Variants in ARL15 observed in about 807,000 individuals in gnomAD.
ARL15 encodes ADP-ribosylation factor-like protein 15.
In ARL15, 19 loss-of-function variants were observed where a neutral mutation model predicts 25.2. That is an observed-to-expected ratio of 0.75 (90% CI 0.53 to 1.10). ARL15 has a LOEUF of 1.10. ARL15 is among the 50% of genes least tolerant of loss of function. ARL15 has a pLI of 0.00. For missense variants in ARL15, 220 were observed against 246.0 expected, an observed-to-expected ratio of 0.89 and a Z score of 0.71; for synonymous variants, 94 against 86.8, an observed-to-expected ratio of 1.08 and a Z score of -0.46.
At chr5:54,282,637 A>T (rs1220870631) in intron 1 of ARL15, 3 of 862,556 alleles carry the variant, frequency 3.5e-6, no homozygotes, top group South Asian at 1.1e-4. Context: ...TCTTGCTCTA[A>T]TATCCCATTT....
chr5:54,292,537 C>T (rs1463463673), intron 1 of ARL15, among the ~76,000 whole-genome samples: 2 of 152,170 alleles, frequency 1.3e-5, no homozygotes, highest in African/African-American at 4.8e-5. Flanking sequence ...CGTAAGCCCA[C>T]TCCTTTCAGA....
At chr5:54,030,319 A>T (rs1486250274) in intron 4 of ARL15, among the ~76,000 whole-genome samples, 1 of 152,232 alleles carries the variant, frequency 6.6e-6, no homozygotes. Flanking sequence ...TTTAAAAAAT[A>T]AATAAAAGGT....
In ARL15 at chr5:53,998,110, T is replaced by G. The variant is rs536422920; in HGVS notation, c.463-111397A>C. Among the ~76,000 whole-genome samples the G allele has an allele frequency of 6.6e-5, 10 of 152,198 alleles. No individual in the cohort carries two copies. The East Asian group carries it at 1.9e-3, about 29-fold the overall frequency. ...CACTTAACCTCCTCATGCCTCAGTT[T>G]CCTTGCCTGCAGAATGAGAGCTGGG... On this transcript the variant is annotated intron_variant, in intron 4 of 4. Transcript: ENST00000504924.
At chr5:54,121,812 AAGAG>A (rs768318336) in intron 3 of ARL15, among the ~76,000 whole-genome samples, 9 of 152,184 alleles carry the variant, frequency 5.9e-5, no homozygotes, top group Non-Finnish European at 1.0e-4. Flanking sequence ...CTCTCAATAA[AAGAG>A]AGGAAAATAA....
rs552172491 is a variant in ARL15 at position 54,120,963 on chromosome 5, G to A, written c.254-7553C>T. Among the ~76,000 whole-genome samples the A allele has an allele frequency of 3.9e-5, 6 of 152,176 alleles. No homozygotes were observed. The South Asian group carries it at 1.0e-3, about 26-fold the overall frequency. ...TTTCTTTTTTATCAGAAACTTTAAC[G>A]TACCAATCCTGTGACAAAACTGATA... On this transcript the variant is annotated intron_variant, in intron 3 of 4. Transcript: ENST00000504924.
At chr5:53,970,246 A>G (rs1365875782) in intron 4 of ARL15, among the ~76,000 whole-genome samples, 1 of 152,238 alleles carries the variant, frequency 6.6e-6, no homozygotes, top group Non-Finnish European at 1.5e-5. Context: ...TTGGTGCATA[A>G]TAGCTATTGA....
chr5:54,103,118 C>A (rs947514448), intron 4 of ARL15, among the ~76,000 whole-genome samples: 1 of 151,998 alleles, frequency 6.6e-6, no homozygotes, highest in African/African-American at 2.4e-5. Context: ...AAAATTAAAC[C>A]CTACTTGACT....
chr5:54,056,013 A>T (rs1750858522), intron 4 of ARL15, among the ~76,000 whole-genome samples: 1 of 152,186 alleles, frequency 6.6e-6, no homozygotes, highest in South Asian at 2.1e-4. Context: ...TGAATGAGTA[A>T]GTTTTCCCAC....
intron 1 of ARL15, among the ~76,000 whole-genome samples, chr5:54,185,997 C>T (rs916873593): frequency 6.6e-6 from 1 of 152,048 alleles, no homozygotes; most frequent in Non-Finnish European, 1.5e-5. Context: ...ATTAAAAGCT[C>T]GTAGTATGAC....
At chr5:54,168,349 C>A (rs1206939377) in intron 2 of ARL15, among the ~76,000 whole-genome samples, 4 of 151,914 alleles carry the variant, frequency 2.6e-5, no homozygotes, top group Non-Finnish European at 4.4e-5. Flanking sequence ...TCAGCATGCC[C>A]CAAACTAAAC....
chr5:54,261,304 C>T (rs770784495), intron 1 of ARL15, among the ~76,000 whole-genome samples: 1 of 152,158 alleles, frequency 6.6e-6, no homozygotes, highest in East Asian at 1.9e-4. Flanking sequence ...CTAGTACTTA[C>T]ATTTCACAAT....
chr5:53,954,736 A>T (rs1747088488), intron 4 of ARL15, among the ~76,000 whole-genome samples: 1 of 152,194 alleles, frequency 6.6e-6, no homozygotes, highest in Non-Finnish European at 1.5e-5. Context: ...AGGCATCATT[A>T]TCCAAAGTTT....
chr5:54,154,287 G>A (rs1167226193), intron 3 of ARL15: 1 of 252,352 alleles, frequency 4.0e-6, no homozygotes, highest in African/African-American at 2.2e-5. Context: ...CTCTTCATAT[G>A]TTTTATTCAA....
At chr5:54,084,972 T>C (rs2112122727) in intron 4 of ARL15, among the ~76,000 whole-genome samples, 1 of 152,338 alleles carries the variant, frequency 6.6e-6, no homozygotes, top group Middle Eastern at 3.4e-3. Context: ...ATTATGGCTT[T>C]GGCTAATGTC....
At chr5:54,187,199 T>A (rs1755264797) in intron 1 of ARL15, among the ~76,000 whole-genome samples, 1 of 152,054 alleles carries the variant, frequency 6.6e-6, no homozygotes, top group Non-Finnish European at 1.5e-5. Context: ...GAGAATGACA[T>A]CAGAAGGCTC....
At chr5:54,287,826 A>T (rs1368758725) in intron 1 of ARL15, among the ~76,000 whole-genome samples, 1 of 152,174 alleles carries the variant, frequency 6.6e-6, no homozygotes, top group Admixed American at 6.5e-5. Context: ...AGCTGATTGA[A>T]CTAGCAGGCA....
At chr5:54,159,735 C>T (rs1754348171) in intron 2 of ARL15, among the ~76,000 whole-genome samples, 1 of 152,158 alleles carries the variant, frequency 6.6e-6, no homozygotes, top group Non-Finnish European at 1.5e-5. Flanking sequence ...GATTTAACCC[C>T]ACAAATTTTT....
At chr5:54,195,877 A>G (rs1428907532) in intron 1 of ARL15, among the ~76,000 whole-genome samples, 1 of 152,166 alleles carries the variant, frequency 6.6e-6, no homozygotes, top group Non-Finnish European at 1.5e-5. Context: ...AAGGTGACTC[A>G]GCTAATAAGT....
At chr5:53,965,364 T>A (rs1747518976) in intron 4 of ARL15, among the ~76,000 whole-genome samples, 1 of 152,204 alleles carries the variant, frequency 6.6e-6, no homozygotes, top group South Asian at 2.1e-4. Flanking sequence ...TTTTAAAGAC[T>A]ATTTTAGTAA....
Sources: gnomAD v4.1 joint callset for allele counts (sites outside exome capture counted in the v4.1 genomes callset) on GRCh38, gnomAD v4.1.1 for gene constraint, MANE v1.5 for transcripts, NCBI Gene and HGNC (gene_info 2026-07-23, HGNC 2026-07-21) for gene names.